TBC1D5: variants seen among roughly 807,000 people sequenced by gnomAD.
TBC1D5 encodes the protein TBC1 domain family, member 5.
Under a neutral mutation model 100.3 loss-of-function variants are expected in TBC1D5, and 75 were observed. The ratio of observed to expected loss-of-function variants is 0.75; its 90% CI spans 0.62 to 0.91. The LOEUF (loss-of-function observed/expected upper bound fraction) is 0.91. Among genes scored for constraint, TBC1D5 ranks in the 40% least tolerant of loss-of-function variants. TBC1D5 has a pLI of 0.00. For missense variants in TBC1D5, 910 were observed against 942.4 expected (o/e 0.97, Z 0.45); for synonymous variants, 323 against 325.6 (o/e 0.99, Z 0.09).
rs537445324 is a variant in TBC1D5, at chr3:17,311,613, G to C, written c.996-3479C>G. 4.8e-4 allele frequency among the ~76,000 whole-genome samples: 73 copies of C among 152,134 alleles called. 1 individual carries two copies. Among genetic ancestry groups the C allele is most frequent in the Admixed American group, 2.4e-3 (37 of 15,266 alleles). On this transcript the variant is annotated intron_variant, in intron 13 of 21. Transcript: ENST00000253692. ...TTATGAAAAGGACCAATTTGACTGA[G>C]CTTTAAATAAACATAGCCTTAATCC...
At position 17,281,286 on chromosome 3, in the gene TBC1D5, G is replaced by A. The variant is rs894608856; in HGVS notation, c.1245+10609C>T. Among the ~76,000 whole-genome samples, 4 of 152,340 alleles carry A rather than the reference G, an allele frequency of 2.6e-5. No homozygotes were observed. The East Asian group carries it at 5.8e-4, about 22-fold the overall frequency. ...ATAGTATTTTAGAGAAAGACACAGTGTAGGGGAATCAAACTACAAAGTTCC... is the reference window on the plus strand; with the variant it reads ...ATAGTATTTTAGAGAAAGACACAGTATAGGGGAATCAAACTACAAAGTTCC... On this transcript the variant is annotated intron_variant, in intron 15 of 21. Transcript: ENST00000253692.
At chr3:17,741,800 ATTTTTTTTTTTTTTT>A (rs779385615), upstream of TBC1D5, among the ~76,000 whole-genome samples, 10 of 47,956 alleles carry the variant, frequency 2.1e-4, no homozygotes, top group African/African-American at 5.7e-4. Flanking sequence ...CTCCCTGCGA[ATTTTTTTTTTTTTTT>A]TTTTTTTTTT....
chr3:17,609,745 C>T (rs924133784), intron 2 of TBC1D5, among the ~76,000 whole-genome samples: 2 of 152,150 alleles, frequency 1.3e-5, no homozygotes, highest in African/African-American at 4.8e-5. Flanking sequence ...ACACAACACC[C>T]AAGAGACACG....
chr3:17,686,080 G>A (rs1285777393), intron 1 of TBC1D5, among the ~76,000 whole-genome samples: 1 of 152,086 alleles, frequency 6.6e-6, no homozygotes, highest in Admixed American at 6.6e-5. Context: ...TGTTACAATT[G>A]GCGGGATTTC....
intron 13 of TBC1D5, among the ~76,000 whole-genome samples, chr3:17,344,562 A>G (rs1016910277): frequency 6.6e-6 from 1 of 152,114 alleles, no homozygotes; most frequent in Non-Finnish European, 1.5e-5. Flanking sequence ...ATTGGAAAAA[A>G]CTACTTTAAA....
intron 2 of TBC1D5, among the ~76,000 whole-genome samples, chr3:17,602,479 T>A (rs1204609738): frequency 2.6e-5 from 4 of 151,606 alleles, no homozygotes; most frequent in African/African-American, 9.7e-5. Context: ...TGATGAGCAT[T>A]AAGATTAAAC....
At chr3:17,513,284 A>G (rs1215070656) in intron 2 of TBC1D5, among the ~76,000 whole-genome samples, 1 of 151,922 alleles carries the variant, frequency 6.6e-6, no homozygotes, top group Non-Finnish European at 1.5e-5. Flanking sequence ...GTGAGCCAAG[A>G]TCGTGCCACT....
intron 13 of TBC1D5, among the ~76,000 whole-genome samples, chr3:17,353,265 G>A (rs764899341): frequency 2.6e-5 from 4 of 151,998 alleles, no homozygotes; most frequent in African/African-American, 4.8e-5. Context: ...ATTTCCCAGC[G>A]AAAACTATTA....
At chr3:17,559,921 C>G (rs1185329090) in intron 2 of TBC1D5, among the ~76,000 whole-genome samples, 1 of 152,030 alleles carries the variant, frequency 6.6e-6, no homozygotes, top group African/African-American at 2.4e-5. Context: ...TAAAAAAGTC[C>G]TTATTAGATA....
At chr3:17,493,654 C>T (rs73153061) in intron 3 of TBC1D5, among the ~76,000 whole-genome samples, 9,238 of 152,190 alleles carry the variant, frequency 0.061, 544 homozygotes, top group African/African-American at 0.15. Context: ...ATCTTGTCTG[C>T]ATGCCTTCTT....
intron 2 of TBC1D5, among the ~76,000 whole-genome samples, chr3:17,518,067 T>G (rs2096013579): frequency 1.3e-5 from 2 of 152,144 alleles, no homozygotes; most frequent in African/African-American, 4.8e-5. Flanking sequence ...TTACATATTT[T>G]TAAGGTTATA....
chr3:17,705,660 C>T (rs1474989735), intron 1 of TBC1D5, among the ~76,000 whole-genome samples: 1 of 135,610 alleles, frequency 7.4e-6, no homozygotes, highest in African/African-American at 2.8e-5. Flanking sequence ...GGCGGCCGGG[C>T]AGAGACGCTC....
intron 18 of TBC1D5, among the ~76,000 whole-genome samples, chr3:17,206,422 A>T (rs2072193129): frequency 6.6e-6 from 1 of 152,242 alleles, no homozygotes; most frequent in Admixed American, 6.5e-5. Context: ...TTTCTAGATC[A>T]TGGCCTGAAA....
chr3:17,548,427 G>T (rs940170254), intron 2 of TBC1D5, among the ~76,000 whole-genome samples: 2 of 152,030 alleles, frequency 1.3e-5, no homozygotes, highest in African/African-American at 2.4e-5. Flanking sequence ...CTATCCCACA[G>T]TGTTTTTATC....
chr3:17,195,997 G>A (rs893662706), intron 18 of TBC1D5, among the ~76,000 whole-genome samples: 6 of 152,082 alleles, frequency 3.9e-5, no homozygotes, highest in Admixed American at 6.6e-5. Flanking sequence ...TCTAGAGGAC[G>A]CCAGAGCAAA....
chr3:17,711,819 T>C (rs2153936310), intron 1 of TBC1D5, among the ~76,000 whole-genome samples: 1 of 152,354 alleles, frequency 6.6e-6, no homozygotes, highest in Admixed American at 6.5e-5. Context: ...TTTTATGAAG[T>C]ATTCTTGAAC....
At chr3:17,737,020 A>T (rs1344251322) in intron 1 of TBC1D5, among the ~76,000 whole-genome samples, 5 of 152,010 alleles carry the variant, frequency 3.3e-5, no homozygotes, top group Non-Finnish European at 5.9e-5. Context: ...CTCAATTTAA[A>T]AAAAAGACAA....
intron 15 of TBC1D5, among the ~76,000 whole-genome samples, chr3:17,265,889 T>C (rs2078796780): frequency 6.6e-6 from 1 of 151,838 alleles, no homozygotes; most frequent in Admixed American, 6.6e-5. Context: ...CAATTGCTTT[T>C]TTTTTTTTTA....
intron 3 of TBC1D5, among the ~76,000 whole-genome samples, chr3:17,508,140 C>G (rs1024522627): frequency 5.9e-5 from 9 of 152,038 alleles, no homozygotes; most frequent in African/African-American, 1.4e-4. Flanking sequence ...AAAATCAACA[C>G]CAAAAATTTA....
Sources: gnomAD v4.1 joint callset for allele counts (sites outside exome capture counted in the v4.1 genomes callset) on GRCh38, gnomAD v4.1.1 for gene constraint, MANE v1.5 for transcripts, NCBI Gene and HGNC (gene_info 2026-07-23, HGNC 2026-07-21) for gene names.